ROCK1: variants seen among roughly 807,000 people sequenced by gnomAD.
The protein encoded by ROCK1 is rho-associated protein kinase 1.
ROCK1 carries 36 observed loss-of-function variants against 196.8 expected under a neutral mutation model. The observed-to-expected ratio is 0.18, with a 90% CI of 0.14 to 0.24. The LOEUF is 0.24. Ranked by LOEUF, ROCK1 falls within the 10% of genes least tolerant of loss-of-function variation. ROCK1 has a pLI of 1.00. For missense variants in ROCK1, 920 were observed against 1,562.0 expected (o/e 0.59, Z 6.93); for synonymous variants, 443 against 515.9 (o/e 0.86, Z 1.91).
intron 2 of ROCK1, among the ~76,000 whole-genome samples, chr18:21,061,075 C>T (rs1289069454): frequency 6.6e-6 from 1 of 150,618 alleles, no homozygotes; most frequent in East Asian, 2.0e-4. Context: ...ATCTTAAATG[C>T]TTTTATTTTT....
At chr18:21,053,149 AC>A (rs2036218081) in intron 2 of ROCK1, among the ~76,000 whole-genome samples, 1 of 152,210 alleles carries the variant, frequency 6.6e-6, no homozygotes, top group South Asian at 2.1e-4. Context: ...CCAAAGGCTA[AC>A]AGTCTTAGGC....
At chr18:21,042,037 A>T in intron 8 of ROCK1, 60 bp downstream of exon 8, 1 of 1,480,930 alleles carries the variant, frequency 6.8e-7, no homozygotes, top group South Asian at 1.3e-5. Flanking sequence ...GACCTTAAAA[A>T]TGGAGCAGAA....
chr18:21,019,171 T>C (rs2035890580), intron 12 of ROCK1, among the ~76,000 whole-genome samples: 1 of 152,184 alleles, frequency 6.6e-6, no homozygotes, highest in Admixed American at 6.5e-5. Flanking sequence ...TTTTTCTTTT[T>C]GAGACAGAGT....
At chr18:21,044,530 A>G (rs1719272322) in intron 5 of ROCK1, among the ~76,000 whole-genome samples, 1 of 152,206 alleles carries the variant, frequency 6.6e-6, no homozygotes, top group African/African-American at 2.4e-5. Context: ...ACCCCACGGC[A>G]GGGTCTAAGT....
chr18:20,995,581 A>G (rs2035663978), intron 16 of ROCK1, among the ~76,000 whole-genome samples: 1 of 152,084 alleles, frequency 6.6e-6, no homozygotes, highest in Admixed American at 6.5e-5. Flanking sequence ...GAGAGTCCCA[A>G]GCCTGGCAGC....
In ROCK1 at chr18:20,969,146, C is replaced by T; in HGVS notation, c.2883G>A (p.Glu961=). The T allele has an allele frequency of 1.2e-6, 2 of 1,601,810 alleles. No individual in the cohort carries two copies. The highest frequency in any genetic ancestry group is 1.7e-6 in the Non-Finnish European group (2 of 1,176,154). The change falls in exon 24 of 33, where the codon GAG becomes GAA. Residue 961 remains glutamate (E), a synonymous_variant. Transcript: ENST00000399799. ...CTGCCTTCTTCATTTTCTCTGTTAGCTCTTCATTCTCTCTTCTTAATATTT... is the reference window on the plus strand; with the variant it reads ...CTGCCTTCTTCATTTTCTCTGTTAGTTCTTCATTCTCTCTTCTTAATATTT... ...DIEILRRENE[E]LTEKMKKAEE... is the part of the protein sequence containing the mutation.
Position 21,015,454 on chromosome 18 carries a change from T to C in ROCK1, c.1387A>G (p.Ile463Val). The change falls in exon 13 of 33, where the codon ATA (isoleucine) becomes GTA (valine). Residue 463 changes from isoleucine (I) to valine (V), a missense_variant. Around this residue, in one of 6 missense-constraint regions of ROCK1, gnomAD observed 520 missense variants for 657.1 expected, o/e 0.79. Transcript: ENST00000399799. Reference protein sequence around the residue: ...CRTSNIKLDKIMKELDEEGNQ... With the variant: ...CRTSNIKLDKVMKELDEEGNQ... ...ACCTCTTCATCCAATTCTTTCATTA[T>C]CTTGTCTAGTTTTATGTTTGAGGTT... 3 of 1,566,816 alleles carry C rather than the reference T, an allele frequency of 1.9e-6. No individual in the cohort carries two copies. The highest frequency in any genetic ancestry group is 2.6e-6 in the Non-Finnish European group (3 of 1,141,552).
chr18:21,025,765 T>A lies in ROCK1; in HGVS notation c.1212-2085A>T, dbSNP rs2035950455. On this transcript the variant is annotated intron_variant, in intron 10 of 32. Coordinates refer to ENST00000399799, the MANE Select transcript of ROCK1 (RefSeq NM_005406.3). ...AATATATATATATTTTGTTGGTTCT[T>A]TCTTTATGAACAGCAACCGTACCTT... is the stretch of plus-strand genomic sequence containing the variant. Among the ~76,000 whole-genome samples, 4 of 152,168 alleles carry A rather than the reference T, an allele frequency of 2.6e-5. 1 individual carries two copies. In the South Asian group the frequency reaches 8.3e-4, roughly 32 times the overall value.
chr18:20,974,645 C>T (rs2035463282), intron 22 of ROCK1, among the ~76,000 whole-genome samples: 1 of 152,210 alleles, frequency 6.6e-6, no homozygotes. Context: ...TAAGGTCAAT[C>T]TCTCACCCTT....
chr18:21,096,142 T>C (rs2036610731), intron 1 of ROCK1, among the ~76,000 whole-genome samples: 3 of 152,096 alleles, frequency 2.0e-5, no homozygotes, highest in Admixed American at 2.0e-4. Flanking sequence ...AATACATATA[T>C]CTACTATGTT....
chr18:21,099,507 G>C (rs1202549853), intron 1 of ROCK1, among the ~76,000 whole-genome samples: 3 of 152,202 alleles, frequency 2.0e-5, no homozygotes, highest in East Asian at 3.9e-4. Flanking sequence ...ACTTTGGGGG[G>C]TTGTGGTGGG....
At chr18:20,970,292 G>A in intron 23 of ROCK1, 56 bp downstream of exon 23, 1 of 1,344,854 alleles carries the variant, frequency 7.4e-7, no homozygotes, top group Non-Finnish European at 1.1e-6. Flanking sequence ...ATTTTAAGAT[G>A]TGACCTATTG....
chr18:21,102,861 G>A (rs2036670859), intron 1 of ROCK1, among the ~76,000 whole-genome samples: 1 of 150,378 alleles, frequency 6.6e-6, no homozygotes, highest in Non-Finnish European at 1.5e-5. Context: ...GCCAGACCCT[G>A]TCTCAAAAAA....
intron 1 of ROCK1, among the ~76,000 whole-genome samples, chr18:21,084,560 T>C (rs538274735): frequency 6.6e-6 from 1 of 152,224 alleles, no homozygotes; most frequent in South Asian, 2.1e-4. Flanking sequence ...GAAACATCAC[T>C]TGACACCCAT....
chr18:20,986,329 C>G (rs758978990), intron 19 of ROCK1, among the ~76,000 whole-genome samples: 19 of 152,324 alleles, frequency 1.2e-4, no homozygotes, highest in Admixed American at 4.6e-4. Flanking sequence ...TTATCCATCT[C>G]TTTACTGATA....
intron 1 of ROCK1, among the ~76,000 whole-genome samples, chr18:21,075,656 A>G (rs1319783396): frequency 6.6e-6 from 1 of 152,130 alleles, no homozygotes; most frequent in East Asian, 1.9e-4. Flanking sequence ...CTAACATTTA[A>G]CAGGTACACA....
At chr18:20,989,486 T>C (rs1347176549) in intron 18 of ROCK1, among the ~76,000 whole-genome samples, 1 of 152,214 alleles carries the variant, frequency 6.6e-6, no homozygotes, top group Non-Finnish European at 1.5e-5. Context: ...AAAAGACTTT[T>C]AGAAGTTTGG....
chr18:21,046,724 T>C lies in ROCK1; in HGVS notation c.415-1257A>G, dbSNP rs543689144. On this transcript the variant is annotated intron_variant, in intron 4 of 32. Transcript: ENST00000399799. ...AAATACAAGAAGTTTAGAATTAAAC[T>C]AAAAAAAACAAGCCCTAGAGAAGAT... Among the ~76,000 whole-genome samples the C allele has an allele frequency of 3.3e-5, 5 of 152,004 alleles. No homozygotes were observed. In the South Asian group the frequency reaches 1.0e-3, roughly 32 times the overall value.
intron 20 of ROCK1, 81 bp downstream of exon 20, chr18:20,984,270 T>C: frequency 9.6e-7 from 1 of 1,040,536 alleles, no homozygotes; most frequent in South Asian, 1.4e-5. Context: ...ACATAATCTG[T>C]ACATATGTAA....
Sources: gnomAD v4.1 joint callset for allele counts (sites outside exome capture counted in the v4.1 genomes callset) on GRCh38, gnomAD v4.1.1 for gene constraint, gnomAD v4.1.1 regional missense constraint, MANE v1.5 for transcripts, NCBI Gene and HGNC (gene_info 2026-07-23, HGNC 2026-07-21) for gene names.